The following GLIS3 variants were observed in gnomAD, a reference collection of about 807,000 sequenced individuals.
GLIS3 encodes the protein GLIS family zinc finger 3.
A neutral mutation model predicts 78.6 loss-of-function variants in GLIS3; 53 were observed. The observed-to-expected ratio is 0.67, with a 90% CI of 0.54 to 0.85. The LOEUF (loss-of-function observed/expected upper bound fraction) is 0.85, where lower values mean the gene tolerates loss of function less well. Among genes scored for constraint, GLIS3 ranks in the 40% least tolerant of loss-of-function variants. The probability of loss-of-function intolerance (pLI) is 0.00; values close to 1 mark genes in which losing one functional copy is unlikely to be tolerated. For missense variants in GLIS3, 1,703 were observed against 1,231.1 expected (o/e 1.38, Z -5.74); for synonymous variants, 684 against 509.9 (o/e 1.34, Z -4.60).
the GLIS3 span, among the ~76,000 whole-genome samples, chr9:4,411,235 T>C: frequency 6.6e-6 from 1 of 152,186 alleles, no homozygotes; most frequent in Admixed American, 6.5e-5. Flanking sequence ...CTGTGAAACC[T>C]TCACTCCTAC....
intron 2 of GLIS3, among the ~76,000 whole-genome samples, chr9:4,248,563 T>C (rs983646932): frequency 6.6e-6 from 1 of 152,212 alleles, no homozygotes; most frequent in Non-Finnish European, 1.5e-5. Flanking sequence ...TGTGCATGTG[T>C]CTTTGTAGTA....
chr9:4,284,388 C>T (rs534019039), intron 2 of GLIS3, among the ~76,000 whole-genome samples: 15 of 152,158 alleles, frequency 9.9e-5, no homozygotes, highest in South Asian at 8.3e-4. Context: ...GTCAAGCATG[C>T]GCTAAAAGGC....
At chr9:4,143,506 G>A (rs1390034135) in intron 2 of GLIS3, among the ~76,000 whole-genome samples, 1 of 151,916 alleles carries the variant, frequency 6.6e-6, no homozygotes, top group South Asian at 2.1e-4. Flanking sequence ...GGTGGGGGTT[G>A]CAGTGAGCCG....
chr9:4,478,657 T>G, the GLIS3 span, among the ~76,000 whole-genome samples: 21 of 151,848 alleles, frequency 1.4e-4, no homozygotes, highest in Non-Finnish European at 2.5e-4. Flanking sequence ...GTGCACTAAT[T>G]CATTATTGAG....
chr9:4,033,014 T>A (rs7019883), intron 4 of GLIS3, among the ~76,000 whole-genome samples: 57,817 of 151,850 alleles, frequency 0.38, 11,233 homozygotes, highest in South Asian at 0.41. Context: ...CCACCACGCC[T>A]GGCTAATTTT....
At position 3,898,717 on chromosome 9, in the gene GLIS3, G is replaced by C; in HGVS notation, c.2102C>G (p.Pro701Arg). The change falls in exon 7 of 11, where the codon CCT (proline) becomes CGT (arginine). Residue 701 changes from proline to arginine, a missense_variant. Transcript: ENST00000381971. ...AAAEGTVGRSPGPGPDLYSAP... is the reference protein window; with the variant it reads ...AAAEGTVGRSRGPGPDLYSAP... Reference sequence around the variant, plus strand: ...TGAATAGAGGTCAGGCCCGGGTCCAGGGGAGCGTCCCACGGTCCCTTCAGC... The same window carrying C: ...TGAATAGAGGTCAGGCCCGGGTCCACGGGAGCGTCCCACGGTCCCTTCAGC... The C allele has an allele frequency of 6.2e-7, 1 of 1,614,150 alleles. No homozygotes were observed. The highest frequency in any genetic ancestry group is 1.3e-5 in the African/African-American group (1 of 75,042).
chr9:3,989,938 C>T (rs1334935226), intron 4 of GLIS3, among the ~76,000 whole-genome samples: 6 of 152,158 alleles, frequency 3.9e-5, no homozygotes, highest in Admixed American at 6.5e-5. Context: ...GTTCAATATT[C>T]GGGTTGATAT....
intron 8 of GLIS3, among the ~76,000 whole-genome samples, chr9:3,874,334 G>T (rs114416238): frequency 0.012 from 1,806 of 152,324 alleles, 31 homozygotes; most frequent in African/African-American, 0.042. Context: ...GGAGGTTCCT[G>T]GAGGGCGGTA....
intron 4 of GLIS3, among the ~76,000 whole-genome samples, chr9:3,994,231 G>C (rs1820559745): frequency 6.6e-6 from 1 of 152,166 alleles, no homozygotes; most frequent in Admixed American, 6.5e-5. Flanking sequence ...GATGCAGCCG[G>C]TAGTTTCTCA....
At chr9:4,381,197 G>C in the GLIS3 span, among the ~76,000 whole-genome samples, 1 of 152,166 alleles carries the variant, frequency 6.6e-6, no homozygotes, top group Non-Finnish European at 1.5e-5. Context: ...GGAAAATTTG[G>C]TGGTGGGGAA....
chr9:4,367,691 G>A, the GLIS3 span, among the ~76,000 whole-genome samples: 1 of 143,730 alleles, frequency 7.0e-6, no homozygotes, highest in Non-Finnish European at 1.5e-5. Flanking sequence ...CTGTCATTCT[G>A]TCATTTACCT....
intron 2 of GLIS3, among the ~76,000 whole-genome samples, chr9:4,238,398 T>G (rs1038267674): frequency 1.3e-5 from 2 of 151,838 alleles, no homozygotes; most frequent in African/African-American, 4.8e-5. Context: ...AATGAGAGAG[T>G]CTACCCACAT....
chr9:4,349,364 T>C (rs1305111267), upstream of GLIS3, among the ~76,000 whole-genome samples: 1 of 152,256 alleles, frequency 6.6e-6, no homozygotes, highest in African/African-American at 2.4e-5. Flanking sequence ...TGCTTTATAA[T>C]AGTAAATGTT....
At chr9:4,316,574 G>A (rs944883769) in intron 2 of GLIS3, among the ~76,000 whole-genome samples, 13 of 152,094 alleles carry the variant, frequency 8.5e-5, no homozygotes, top group East Asian at 1.9e-4. Context: ...TGGGTACTCC[G>A]GTTTCCACCC....
intron 2 of GLIS3, among the ~76,000 whole-genome samples, chr9:4,171,283 G>C (rs1816351214): frequency 6.6e-6 from 1 of 152,116 alleles, no homozygotes; most frequent in South Asian, 2.1e-4. Context: ...AGAATCTAGG[G>C]AATAGCTTAA....
At chr9:4,413,905 T>G in the GLIS3 span, among the ~76,000 whole-genome samples, 1 of 152,174 alleles carries the variant, frequency 6.6e-6, no homozygotes, top group African/African-American at 2.4e-5. Context: ...CAAATATGGC[T>G]TAACTTCACC....
chr9:3,905,026 G>A lies in GLIS3; in HGVS notation c.1984-6191C>T, dbSNP rs1188248226. On this transcript the variant is annotated intron_variant, in intron 6 of 10. Transcript: ENST00000381971. ...CTTGCTCTGTCTCCCAGGCCGGAGT[G>A]CAGTGGCGCGATCTCGGCTCACTGC... is the stretch of plus-strand genomic sequence containing the variant. Among the ~76,000 whole-genome samples the A allele has an allele frequency of 6.0e-5, 9 of 150,064 alleles. No individual in the cohort carries two copies. In the South Asian group the frequency reaches 1.7e-3, roughly 28 times the overall value.
At chr9:4,222,627 A>G (rs1821428462) in intron 2 of GLIS3, among the ~76,000 whole-genome samples, 1 of 152,154 alleles carries the variant, frequency 6.6e-6, no homozygotes, top group Non-Finnish European at 1.5e-5. Flanking sequence ...ACAGATCACT[A>G]ATTTTGCAGG....
At chr9:4,050,514 TGCA>T (rs1319991457) in intron 4 of GLIS3, among the ~76,000 whole-genome samples, 1 of 152,060 alleles carries the variant, frequency 6.6e-6, no homozygotes, top group Non-Finnish European at 1.5e-5. Flanking sequence ...ATTTGATGGG[TGCA>T]GCAAGCCAAC....
Sources: allele counts gnomAD v4.1 joint callset (sites outside exome capture counted in the v4.1 genomes callset), GRCh38; gene constraint gnomAD v4.1.1; transcripts MANE v1.5; gene names NCBI Gene and HGNC (gene_info 2026-07-23, HGNC 2026-07-21).